SYT2: variants seen among roughly 807,000 people sequenced by gnomAD.
SYT2 encodes the protein synaptotagmin-2.
A neutral mutation model predicts 39.9 loss-of-function variants in SYT2; 15 were observed. The observed-to-expected ratio is 0.38, with a 90% CI of 0.25 to 0.58. The LOEUF (loss-of-function observed/expected upper bound fraction) is 0.58, where lower values mean the gene tolerates loss of function less well. Ranked by LOEUF, SYT2 falls within the 20% of genes least tolerant of loss-of-function variation. The pLI is 0.70. For synonymous variants in SYT2, 181 were observed against 204.5 expected (o/e 0.89, Z 0.98); for missense variants, 389 against 530.3 (o/e 0.73, Z 2.62).
chr1:202,686,104 A>G (rs1469075375), intron 1 of SYT2, among the ~76,000 whole-genome samples: 3 of 152,046 alleles, frequency 2.0e-5, no homozygotes, highest in African/African-American at 7.2e-5. Flanking sequence ...GTAACCCCCA[A>G]TGTTGGAGAT....
In SYT2 at chr1:202,696,944, A is replaced by C. The variant is rs540290473; in HGVS notation, c.-18+13314T>G. Among the ~76,000 whole-genome samples, 4 of 151,818 alleles carry C rather than the reference A, an allele frequency of 2.6e-5. No homozygotes were observed. In the South Asian group the frequency reaches 6.3e-4, roughly 24 times the overall value. On this transcript the variant is annotated intron_variant, in intron 1 of 8. Coordinates refer to ENST00000367268, the MANE Select transcript of SYT2 (RefSeq NM_177402.5). ...TCCTCCCCATCACCTCTCCCCCACC[A>C]CCTCTGTCATTAGGACAGTGACCTA...
chr1:202,601,771 T>C lies in SYT2; in HGVS notation c.801+119A>G. The C allele has an allele frequency of 1.9e-6, 2 of 1,075,262 alleles. No homozygotes were observed. Among genetic ancestry groups the C allele is most frequent in the South Asian group, 3.0e-5 (2 of 66,056 alleles). 66.6% of individuals were successfully genotyped at this position (1,075,262 alleles called of 1,614,324 possible). On this transcript the variant is annotated intron_variant, in intron 6 of 8. Coordinates refer to ENST00000367268, the MANE Select transcript of SYT2 (RefSeq NM_177402.5). This position sits in a 1 kb window ranked among gnomAD's most constrained non-coding sequence, Gnocchi z 4.0. ...GTCACACAGCCAGGCAGTGTGGAGC[T>C]GGGATCCTAACACAGGTCGTCTGCC...
chr1:202,651,066 C>T (rs972230806), intron 1 of SYT2, among the ~76,000 whole-genome samples: 2 of 152,024 alleles, frequency 1.3e-5, no homozygotes, highest in Non-Finnish European at 2.9e-5. Flanking sequence ...GGGCTTCTGC[C>T]CACACAGGCA....
chr1:202,704,134 G>C (rs1045631611), intron 1 of SYT2, among the ~76,000 whole-genome samples: 5 of 152,188 alleles, frequency 3.3e-5, no homozygotes. Context: ...GGGATGGGAG[G>C]AAGTGAAGCA....
chr1:202,698,770 C>T (rs943688965), intron 1 of SYT2, among the ~76,000 whole-genome samples: 1 of 152,178 alleles, frequency 6.6e-6, no homozygotes, highest in African/African-American at 2.4e-5. Flanking sequence ...CAAGAAAGAA[C>T]TTCCTCACTC....
rs1691494739 is a variant in SYT2 at position 202,628,994 on chromosome 1, G to C, written c.-17-23205C>G. Among the ~76,000 whole-genome samples the C allele has an allele frequency of 6.6e-6, 1 of 152,338 alleles. No individual in the cohort carries two copies. The highest frequency in any genetic ancestry group is 2.1e-4 in the South Asian group (1 of 4,824). ...CTGCGCAGGGCTGCGAGGCTTAGGA[G>C]CACTGTATGTAAAGCATGGTATTAT... On this transcript the variant is annotated intron_variant, in intron 1 of 8. Transcript: ENST00000367268. This position sits in a 1 kb window ranked among gnomAD's most constrained non-coding sequence, Gnocchi z 4.2.
chr1:202,615,370 A>T (rs372700080), intron 1 of SYT2, among the ~76,000 whole-genome samples: 2 of 152,148 alleles, frequency 1.3e-5, no homozygotes, highest in Non-Finnish European at 2.9e-5. Context: ...ACATGGCACC[A>T]GGTGCTGAGA....
At chr1:202,674,116 T>C (rs1572671875) in intron 1 of SYT2, among the ~76,000 whole-genome samples, 1 of 152,200 alleles carries the variant, frequency 6.6e-6, no homozygotes, top group African/African-American at 2.4e-5. Flanking sequence ...TTATTTTATT[T>C]TTTGAGACAG....
chr1:202,597,680 A>G (rs535566622), intron 8 of SYT2, among the ~76,000 whole-genome samples: 38 of 152,054 alleles, frequency 2.5e-4, no homozygotes, highest in Admixed American at 5.2e-4. Flanking sequence ...TGTCGTGGAC[A>G]TTTGAGAGAG....
chr1:202,647,776 C>A (rs995401066), intron 1 of SYT2, among the ~76,000 whole-genome samples: 7 of 152,280 alleles, frequency 4.6e-5, no homozygotes, highest in Admixed American at 1.3e-4. Context: ...GCAGTCACTA[C>A]CACGACCATC....
chr1:202,648,902 C>A (rs1002070036), intron 1 of SYT2, among the ~76,000 whole-genome samples: 1 of 152,218 alleles, frequency 6.6e-6, no homozygotes, highest in African/African-American at 2.4e-5. Context: ...CCTTGTCTGA[C>A]CCAGTGATCC....
chr1:202,684,640 G>C (rs1421058132), intron 1 of SYT2, among the ~76,000 whole-genome samples: 1 of 152,176 alleles, frequency 6.6e-6, no homozygotes, highest in Non-Finnish European at 1.5e-5. Flanking sequence ...AGCATGTGTA[G>C]AACTGTGTCC....
chr1:202,619,340 G>A (rs778956375), intron 1 of SYT2, among the ~76,000 whole-genome samples: 8 of 152,200 alleles, frequency 5.3e-5, no homozygotes, highest in Non-Finnish European at 1.2e-4. Flanking sequence ...GCGCCATTAG[G>A]TGAAGGCTGC....
chr1:202,612,423 A>G (rs192175528), intron 1 of SYT2, among the ~76,000 whole-genome samples: 41 of 152,322 alleles, frequency 2.7e-4, no homozygotes, highest in African/African-American at 9.6e-4. Flanking sequence ...GCTGGAGTAC[A>G]GTGGTGTGAA....
chr1:202,629,873 G>GC (rs957667862), intron 1 of SYT2, among the ~76,000 whole-genome samples: 4 of 125,714 alleles, frequency 3.2e-5, no homozygotes, highest in Non-Finnish European at 7.1e-5. Context: ...CTGGTGGGGG[G>GC]GGGGGGGTGG....
At chr1:202,665,422 C>T (rs988526669) in intron 1 of SYT2, among the ~76,000 whole-genome samples, 1 of 152,198 alleles carries the variant, frequency 6.6e-6, no homozygotes, top group Non-Finnish European at 1.5e-5. Context: ...CGCCTGACCT[C>T]AAGGCCCTTG....
intron 1 of SYT2, among the ~76,000 whole-genome samples, chr1:202,615,491 C>T (rs1691009186): frequency 6.6e-6 from 1 of 152,202 alleles, no homozygotes; most frequent in Admixed American, 6.5e-5. Context: ...GGCCACTTTC[C>T]ACCCTCCAGC....
intron 1 of SYT2, among the ~76,000 whole-genome samples, chr1:202,697,835 A>G (rs917728008): frequency 6.6e-6 from 1 of 152,204 alleles, no homozygotes; most frequent in Non-Finnish European, 1.5e-5. Flanking sequence ...ACCTCAATAG[A>G]GCTGGAAAAA....
intron 1 of SYT2, among the ~76,000 whole-genome samples, chr1:202,644,390 G>A (rs575327313): frequency 9.2e-5 from 14 of 152,282 alleles, no homozygotes; most frequent in South Asian, 8.3e-4. Flanking sequence ...GCACCAGGAG[G>A]GGCAGGGAGG....
Sources: allele counts gnomAD v4.1 joint callset (sites outside exome capture counted in the v4.1 genomes callset), GRCh38; gene constraint gnomAD v4.1.1; non-coding constraint Gnocchi (gnomAD v3.1); transcripts MANE v1.5; gene names NCBI Gene and HGNC (gene_info 2026-07-23, HGNC 2026-07-21).